CPQ: variants seen among roughly 807,000 people sequenced by gnomAD.
CPQ encodes Ser-Met dipeptidase.
Under a neutral mutation model 45.7 loss-of-function variants are expected in CPQ, and 37 were observed. That is an observed-to-expected ratio of 0.81 (90% CI 0.62 to 1.07). The LOEUF (loss-of-function observed/expected upper bound fraction) is 1.07. Ranked by LOEUF, CPQ falls within the 50% of genes least tolerant of loss-of-function variation. The pLI is 0.00. For synonymous variants in CPQ, 186 were observed against 205.8 expected (o/e 0.90, Z 0.82); for missense variants, 537 against 572.9 (o/e 0.94, Z 0.64).
chr8:96,769,226 G>A (rs186660647), intron 1 of CPQ, among the ~76,000 whole-genome samples: 44 of 152,228 alleles, frequency 2.9e-4, no homozygotes, highest in African/African-American at 1.0e-3. Flanking sequence ...ACTTATAGGG[G>A]GGATCCAAGT....
At chr8:96,667,025 T>C (rs1174499676) in intron 1 of CPQ, among the ~76,000 whole-genome samples, 1 of 152,152 alleles carries the variant, frequency 6.6e-6, no homozygotes, top group African/African-American at 2.4e-5. Context: ...GCCTTTCTAG[T>C]CTCTCTTTTT....
intron 1 of CPQ, among the ~76,000 whole-genome samples, chr8:96,777,805 T>C (rs891780810): frequency 8.8e-6 from 1 of 113,494 alleles, no homozygotes; most frequent in Non-Finnish European, 1.7e-5. Context: ...CTGGACTCAC[T>C]GCAAACTCTG....
At chr8:96,880,893 T>C (rs950042856) in intron 4 of CPQ, among the ~76,000 whole-genome samples, 2 of 152,042 alleles carry the variant, frequency 1.3e-5, no homozygotes, top group African/African-American at 4.8e-5. Flanking sequence ...TATGTCCATA[T>C]ACCCCCTGAA....
intron 7 of CPQ, among the ~76,000 whole-genome samples, chr8:97,110,429 C>G (rs976060779): frequency 6.6e-6 from 1 of 152,114 alleles, no homozygotes; most frequent in Non-Finnish European, 1.5e-5. Flanking sequence ...CTACTATGTA[C>G]GTACTTATAC....
intron 7 of CPQ, among the ~76,000 whole-genome samples, chr8:97,105,237 C>T (rs537082434): frequency 1.3e-5 from 2 of 152,256 alleles, no homozygotes; most frequent in African/African-American, 2.4e-5. Context: ...TTCCACTCAG[C>T]CCTTGACAAC....
intron 4 of CPQ, among the ~76,000 whole-genome samples, chr8:96,895,045 C>T (rs956469350): frequency 3.9e-5 from 6 of 152,086 alleles, no homozygotes; most frequent in South Asian, 2.1e-4. Context: ...TATTGAGTGC[C>T]GTCCGTGTGT....
chr8:96,654,049 T>C (rs113959777), intron 1 of CPQ, among the ~76,000 whole-genome samples: 3,583 of 152,308 alleles, frequency 0.024, 144 homozygotes, highest in African/African-American at 0.082. Context: ...ATAAAAGAAG[T>C]CAAATGCAGT....
intron 5 of CPQ, among the ~76,000 whole-genome samples, chr8:97,014,514 G>A (rs919445282): frequency 4.0e-5 from 6 of 151,772 alleles, no homozygotes; most frequent in Non-Finnish European, 8.8e-5. Context: ...GCTGGGCATG[G>A]TGACAAATGC....
chr8:96,907,588 G>A (rs1302968227), intron 4 of CPQ, among the ~76,000 whole-genome samples: 1 of 152,066 alleles, frequency 6.6e-6, no homozygotes, highest in Non-Finnish European at 1.5e-5. Context: ...TGAAAATGGA[G>A]CCAATTACTA....
intron 4 of CPQ, among the ~76,000 whole-genome samples, chr8:96,934,046 C>T (rs1171586769): frequency 6.6e-6 from 1 of 152,172 alleles, no homozygotes; most frequent in Non-Finnish European, 1.5e-5. Flanking sequence ...GCAACAGGAG[C>T]TTGAAGAGAA....
At chr8:96,782,982 A>G (rs979098472) in intron 1 of CPQ, among the ~76,000 whole-genome samples, 4 of 152,156 alleles carry the variant, frequency 2.6e-5, no homozygotes, top group Non-Finnish European at 5.9e-5. Context: ...TGTACTGTCC[A>G]TATTTCTGTC....
chr8:96,734,970 TTCTC>T (rs1033576963), intron 1 of CPQ, among the ~76,000 whole-genome samples: 11 of 151,896 alleles, frequency 7.2e-5, no homozygotes, highest in African/African-American at 1.5e-4. Context: ...CTCTCTCTCT[TTCTC>T]TCTCTTTCTG....
At chr8:96,939,599 C>T (rs932251828) in intron 4 of CPQ, among the ~76,000 whole-genome samples, 2 of 152,080 alleles carry the variant, frequency 1.3e-5, no homozygotes, top group Non-Finnish European at 2.9e-5. Context: ...TAGTCTTTTA[C>T]AATTTGCTTT....
At chr8:96,821,812 A>G (rs1256427234) in intron 2 of CPQ, among the ~76,000 whole-genome samples, 1 of 151,970 alleles carries the variant, frequency 6.6e-6, no homozygotes, top group Non-Finnish European at 1.5e-5. Flanking sequence ...TAAAAATTAT[A>G]TGATTTGTAC....
chr8:96,977,319 G>T (rs1392617490), intron 5 of CPQ, among the ~76,000 whole-genome samples: 1 of 117,460 alleles, frequency 8.5e-6, no homozygotes, highest in Non-Finnish European at 1.7e-5. Context: ...AAGAATATCC[G>T]TAATCAAAAA....
chr8:96,966,510 C>T (rs1813566940), intron 5 of CPQ, among the ~76,000 whole-genome samples: 1 of 152,144 alleles, frequency 6.6e-6, no homozygotes, highest in Non-Finnish European at 1.5e-5. Flanking sequence ...GGAATCCAGG[C>T]AGATAATTCT....
At chr8:96,826,612 T>G (rs1222584819) in intron 2 of CPQ, among the ~76,000 whole-genome samples, 2 of 151,996 alleles carry the variant, frequency 1.3e-5, no homozygotes, top group African/African-American at 4.8e-5. Context: ...ATGATCTCTC[T>G]TTTTCTTTTT....
intron 1 of CPQ, among the ~76,000 whole-genome samples, chr8:96,735,945 G>C (rs974149518): frequency 6.6e-6 from 1 of 151,994 alleles, no homozygotes; most frequent in African/African-American, 2.4e-5. Flanking sequence ...CCTAAGGGAG[G>C]GTTGTTATGC....
chr8:96,973,123 G>T lies in CPQ; in HGVS notation c.961+7077G>T, dbSNP rs1268958990. Reference sequence around the variant, plus strand: ...AGAGAAAGGTGAAGTCCAACTAAAAGAAATAAAAATTATGGGATATGAAAC... The same window carrying T: ...AGAGAAAGGTGAAGTCCAACTAAAATAAATAAAAATTATGGGATATGAAAC... On this transcript the variant is annotated intron_variant, in intron 5 of 7. Coordinates refer to ENST00000220763, the MANE Select transcript of CPQ (RefSeq NM_016134.4). Among the ~76,000 whole-genome samples, 3 of 151,930 alleles carry T rather than the reference G, an allele frequency of 2.0e-5. 1 individual carries two copies. Among genetic ancestry groups the T allele is most frequent in the Non-Finnish European group, 4.4e-5 (3 of 67,976 alleles).
Sources: gnomAD v4.1 joint callset for allele counts (sites outside exome capture counted in the v4.1 genomes callset) on GRCh38, gnomAD v4.1.1 for gene constraint, MANE v1.5 for transcripts, NCBI Gene and HGNC (gene_info 2026-07-23, HGNC 2026-07-21) for gene names.